The following NEMF variants were observed in gnomAD, a reference collection of about 807,000 sequenced individuals.
NEMF encodes the protein nuclear export mediator factor.
In NEMF, 89 loss-of-function variants were observed where a neutral mutation model predicts 162.2. That is an observed-to-expected ratio of 0.55 (90% confidence interval 0.46 to 0.65). The LOEUF (loss-of-function observed/expected upper bound fraction) is 0.65, where lower values mean the gene tolerates loss of function less well. NEMF is among the 30% of genes least tolerant of loss of function. The probability of loss-of-function intolerance (pLI) is 0.00; values close to 1 mark genes in which losing one functional copy is unlikely to be tolerated. For synonymous variants in NEMF, 421 were observed against 404.5 expected, an observed-to-expected ratio of 1.04 and a Z score of -0.49; for missense variants, 1,133 against 1,261.9, an observed-to-expected ratio of 0.90 and a Z score of 1.55.
At chr14:49,795,986 G>A in intron 25 of NEMF, 42 bp from the exon 26 acceptor site, 2 of 1,518,986 alleles carry the variant, frequency 1.3e-6, no homozygotes, top group Non-Finnish European at 1.8e-6. Context: ...CTTAGAATTT[G>A]AAATTCTTAG....
At chr14:49,810,397 A>G (rs1254502471) in intron 18 of NEMF, among the ~76,000 whole-genome samples, 1 of 152,034 alleles carries the variant, frequency 6.6e-6, no homozygotes, top group Non-Finnish European at 1.5e-5. Context: ...TTAAAAAAAG[A>G]AAAAAAGAAA....
At chr14:49,841,500 G>T (rs912550446) in intron 4 of NEMF, among the ~76,000 whole-genome samples, 1 of 150,492 alleles carries the variant, frequency 6.6e-6, no homozygotes, top group South Asian at 2.1e-4. Flanking sequence ...CTTGAACCTG[G>T]GAGGTGGAGG....
chr14:49,844,171 T>G (rs538797157), intron 4 of NEMF, among the ~76,000 whole-genome samples: 16 of 151,326 alleles, frequency 1.1e-4, no homozygotes, highest in East Asian at 9.7e-4. Flanking sequence ...ACCAGTTTCA[T>G]GGAAGACAAT....
At chr14:49,850,188 T>C (rs903920675) in intron 3 of NEMF, among the ~76,000 whole-genome samples, 1 of 152,144 alleles carries the variant, frequency 6.6e-6, no homozygotes, top group Non-Finnish European at 1.5e-5. Context: ...CTGCAATCTC[T>C]ATCTCCCAGG....
intron 18 of NEMF, among the ~76,000 whole-genome samples, chr14:49,809,878 T>G (rs1448608452): frequency 6.6e-6 from 1 of 151,388 alleles, no homozygotes; most frequent in African/African-American, 2.4e-5. Flanking sequence ...GAGAGTGAAC[T>G]CTAATGCAAA....
chr14:49,827,414 TGGCTTCAAGCGATCCACCGGCCTC>T (rs1422550373), intron 15 of NEMF, among the ~76,000 whole-genome samples: 2 of 151,814 alleles, frequency 1.3e-5, no homozygotes, highest in African/African-American at 2.4e-5. Flanking sequence ...CTCAAACTCC[TGGCTTCAAGCGATCCACCGGCCTC>T]GGCCTTCCAA....
intron 11 of NEMF, among the ~76,000 whole-genome samples, chr14:49,829,775 AT>A (rs34838810): frequency 6.6e-6 from 1 of 151,498 alleles, no homozygotes; most frequent in Non-Finnish European, 1.5e-5. Context: ...CGAATTCTTT[AT>A]TTTTTTTTAA....
rs547359404 is a variant in NEMF at position 49,786,413 on chromosome 14, T to A, written c.2928+305A>T. ...CTTGGTGCTGAAGTATAATTAATAT[T>A]TGAGTGTTTGCTATGTGCCATAAAC... On this transcript the variant is annotated intron_variant, in intron 29 of 32. Transcript: ENST00000298310. The A allele has an allele frequency of 6.0e-4, 192 of 321,078 alleles. 1 individual carries two copies. The South Asian group carries it at 0.011, about 18-fold the overall frequency. The allele number at this position is 321,078 out of a possible 1,614,324, so 19.9% of individuals were successfully genotyped here. A position where few individuals can be genotyped will look rare whatever the true frequency, so the allele number is the denominator to read the frequency against.
intron 5 of NEMF, among the ~76,000 whole-genome samples, chr14:49,838,831 A>G (rs559331906): frequency 9.9e-5 from 15 of 151,998 alleles, no homozygotes; most frequent in East Asian, 7.8e-4. Flanking sequence ...TGATCCGCCC[A>G]CCTTGGCCTC....
At chr14:49,786,366 A>T (rs1890179290) in intron 29 of NEMF, 1 of 196,102 alleles carries the variant, frequency 5.1e-6, no homozygotes, top group Non-Finnish European at 1.0e-5. Flanking sequence ...AATATGAATA[A>T]ACTTAGATTT....
intron 16 of NEMF, among the ~76,000 whole-genome samples, chr14:49,815,611 C>A (rs1461566439): frequency 6.6e-6 from 1 of 152,140 alleles, no homozygotes; most frequent in Non-Finnish European, 1.5e-5. Flanking sequence ...TTACTATTTT[C>A]TAATCTGATT....
intron 25 of NEMF, among the ~76,000 whole-genome samples, chr14:49,798,127 C>T (rs1356475056): frequency 6.6e-6 from 1 of 152,084 alleles, no homozygotes; most frequent in East Asian, 1.9e-4. Context: ...CTGGAATAAG[C>T]GGTTGAAAAA....
chr14:49,810,857 G>A (rs910567317), intron 18 of NEMF, among the ~76,000 whole-genome samples: 3 of 152,166 alleles, frequency 2.0e-5, no homozygotes, highest in African/African-American at 7.2e-5. Flanking sequence ...TGGGCACAGT[G>A]GCAAATGTCT....
rs1399793159 is a variant in NEMF at position 49,846,229 on chromosome 14, C to T, written c.268G>A (p.Ala90Thr). The change falls in exon 4 of 33, where the codon GCA (alanine) becomes ACA (threonine). Residue 90 changes from alanine to threonine, a missense_variant. Ala to Thr is a moderately conservative substitution (Grantham distance 58). This residue lies in a region of NEMF where 582 missense variants were observed against 631.5 expected (regional missense o/e 0.92). Transcript: ENST00000298310. ...ATTCTATCCACACCAAGCTGTTTTG[C>T]ACTGACTAATCTCCGACTCTTCAAA... The part of the protein sequence containing the change: ...KHLKSRRLVS[A>T]KQLGVDRIVD... 6.2e-7 allele frequency: 1 copy of T among 1,613,784 alleles called. No individual in the cohort carries two copies.
At chr14:49,851,899 A>C (rs762105743) in intron 1 of NEMF, 24 bp from the exon 2 acceptor site, 2 of 1,364,168 alleles carry the variant, frequency 1.5e-6, no homozygotes, top group Admixed American at 2.0e-5. Context: ...GGAAACATGT[A>C]ACATGTTACA....
At chr14:49,823,072 G>T (rs1264381806) in intron 16 of NEMF, among the ~76,000 whole-genome samples, 5 of 151,826 alleles carry the variant, frequency 3.3e-5, no homozygotes, top group Admixed American at 6.6e-5. Flanking sequence ...TAGTAGCTGG[G>T]ATTACAGGCA....
At position 49,828,602 on chromosome 14, in the gene NEMF, GT is replaced by G; in HGVS notation, c.1424+13del. ...GATAACACTTGGCCTAAAATGTAAA[GT>G]TAAATGACTTACTTTTTGGCATTGG... On this transcript the variant is annotated intron_variant, in intron 14 of 32. Transcript: ENST00000298310. The G allele has an allele frequency of 6.6e-7, 1 of 1,525,728 alleles. No homozygotes were observed. The highest frequency in any genetic ancestry group is 1.3e-5 in the South Asian group (1 of 76,088). The allele number at this position is 1,525,728 out of a possible 1,614,324, so 94.5% of individuals were successfully genotyped here.
At chr14:49,842,034 G>A (rs892829615) in intron 4 of NEMF, among the ~76,000 whole-genome samples, 2 of 152,036 alleles carry the variant, frequency 1.3e-5, no homozygotes, top group Admixed American at 6.6e-5. Flanking sequence ...GAACCTGGGA[G>A]GCGGAGGTTG....
chr14:49,826,694 T>G (rs1355443272), intron 15 of NEMF, among the ~76,000 whole-genome samples: 1 of 152,164 alleles, frequency 6.6e-6, no homozygotes, highest in Admixed American at 6.6e-5. Context: ...CCAGGCAATA[T>G]TCCAGGGATT....
Sources: allele counts gnomAD v4.1 joint callset (sites outside exome capture counted in the v4.1 genomes callset), GRCh38; gene constraint gnomAD v4.1.1; regional missense constraint gnomAD v4.1.1; transcripts MANE v1.5; gene names NCBI Gene and HGNC (gene_info 2026-07-23, HGNC 2026-07-21).